Variants in RIT2 observed in about 807,000 individuals in gnomAD.
The protein encoded by RIT2 is Ras like without CAAX 2.
A neutral mutation model predicts 23.7 loss-of-function variants in RIT2; 24 were observed. The ratio of observed to expected loss-of-function variants is 1.01; its 90% CI spans 0.73 to 1.43. The LOEUF is 1.43. Ranked by LOEUF, RIT2 falls within the 40% of genes most tolerant of loss-of-function variation. The probability of loss-of-function intolerance (pLI) is 0.00; values close to 1 mark genes in which losing one functional copy is unlikely to be tolerated. For missense variants in RIT2, 236 were observed against 266.9 expected (o/e 0.88, Z 0.81); for synonymous variants, 107 against 91.1 (o/e 1.17, Z -0.99).
intron 4 of RIT2, among the ~76,000 whole-genome samples, chr18:42,800,515 A>AGTG (rs778123657): frequency 2.4e-5 from 1 of 41,320 alleles, no homozygotes; most frequent in East Asian, 7.5e-4. Flanking sequence ...AAGCAGTTAC[A>AGTG]TTCTTTTTTT....
intron 3 of RIT2, among the ~76,000 whole-genome samples, chr18:42,967,455 C>T (rs186373183): frequency 1.6e-3 from 250 of 151,718 alleles, no homozygotes; most frequent in African/African-American, 5.4e-3. Flanking sequence ...CTGAAAGCTC[C>T]GCCTCCCGGG....
At chr18:43,023,469 T>C (rs62092665) in intron 2 of RIT2, among the ~76,000 whole-genome samples, 13,081 of 152,124 alleles carry the variant, frequency 0.086, 674 homozygotes, top group East Asian at 0.17. Flanking sequence ...GATTAATTCC[T>C]GCTAAGGATA....
intron 1 of RIT2, among the ~76,000 whole-genome samples, chr18:43,072,468 G>C (rs1912921875): frequency 6.6e-6 from 1 of 152,166 alleles, no homozygotes; most frequent in Non-Finnish European, 1.5e-5. Flanking sequence ...ATTGCAAAAA[G>C]AAAACAGGAC....
At chr18:42,856,733 G>A (rs972148638) in intron 4 of RIT2, among the ~76,000 whole-genome samples, 1 of 151,768 alleles carries the variant, frequency 6.6e-6, no homozygotes, top group Non-Finnish European at 1.5e-5. Flanking sequence ...CTAAAAGAGT[G>A]GTTCTCAAAT....
At chr18:42,987,216 T>C (rs1333144987) in intron 2 of RIT2, among the ~76,000 whole-genome samples, 4 of 152,198 alleles carry the variant, frequency 2.6e-5, no homozygotes, top group Non-Finnish European at 5.9e-5. Flanking sequence ...CATGGTCTCA[T>C]GGCAAGTGGG....
At chr18:43,075,354 T>G (rs745631570) in intron 1 of RIT2, among the ~76,000 whole-genome samples, 1 of 152,170 alleles carries the variant, frequency 6.6e-6, no homozygotes, top group Non-Finnish European at 1.5e-5. Flanking sequence ...TAAAGTGGCA[T>G]GAACAGAGGT....
intron 4 of RIT2, among the ~76,000 whole-genome samples, chr18:42,856,819 C>A (rs1305606511): frequency 7.2e-6 from 1 of 138,018 alleles, no homozygotes; most frequent in Non-Finnish European, 1.5e-5. Context: ...TTTCTTTTCT[C>A]TCTCTCTCTT....
At chr18:43,085,366 A>C (rs1913258821) in intron 1 of RIT2, among the ~76,000 whole-genome samples, 1 of 152,080 alleles carries the variant, frequency 6.6e-6, no homozygotes, top group African/African-American at 2.4e-5. Flanking sequence ...TGTGAAAAAA[A>C]TCTATTTTTT....
chr18:42,895,460 T>G (rs1442390398), intron 4 of RIT2, among the ~76,000 whole-genome samples: 1 of 152,184 alleles, frequency 6.6e-6, no homozygotes, highest in African/African-American at 2.4e-5. Flanking sequence ...TTCAAATACA[T>G]ATTATTATTT....
chr18:43,110,301 TACTA>T (rs1391406463), intron 1 of RIT2, among the ~76,000 whole-genome samples: 1 of 151,978 alleles, frequency 6.6e-6, no homozygotes, highest in Non-Finnish European at 1.5e-5. Context: ...AATAAAAACC[TACTA>T]ACTTAGAATA....
At chr18:42,934,614 T>G (rs1909407491) in intron 3 of RIT2, among the ~76,000 whole-genome samples, 1 of 152,176 alleles carries the variant, frequency 6.6e-6, no homozygotes, top group South Asian at 2.1e-4. Context: ...TATGGATATA[T>G]GAATATCATG....
intron 4 of RIT2, among the ~76,000 whole-genome samples, chr18:42,854,364 T>G (rs529847359): frequency 2.6e-4 from 40 of 152,278 alleles, no homozygotes; most frequent in African/African-American, 9.6e-4. Flanking sequence ...GATAGTAAGC[T>G]TATAATAAGT....
At chr18:42,930,348 G>A (rs1909295675) in intron 3 of RIT2, among the ~76,000 whole-genome samples, 3 of 151,334 alleles carry the variant, frequency 2.0e-5, no homozygotes, top group Admixed American at 1.3e-4. Context: ...GAAAAGGGGG[G>A]AAATCCTTGA....
intron 3 of RIT2, among the ~76,000 whole-genome samples, chr18:42,947,893 T>C (rs1909763758): frequency 1.3e-5 from 2 of 152,144 alleles, no homozygotes; most frequent in Admixed American, 1.3e-4. Flanking sequence ...TAGGTGCTAT[T>C]ACTTTAAGAT....
intron 4 of RIT2, among the ~76,000 whole-genome samples, chr18:42,898,725 C>A (rs963819702): frequency 2.0e-5 from 3 of 152,070 alleles, no homozygotes; most frequent in Non-Finnish European, 4.4e-5. Context: ...TCATCACTTC[C>A]TTTTAGTTAT....
At chr18:42,920,579 T>A (rs1376147150) in intron 4 of RIT2, 3 of 646,932 alleles carry the variant, frequency 4.6e-6, no homozygotes, top group Admixed American at 5.5e-5. Context: ...AGGTGAATAA[T>A]GATAAACACA....
At chr18:42,978,331 T>C (rs912711932) in intron 2 of RIT2, among the ~76,000 whole-genome samples, 2 of 151,570 alleles carry the variant, frequency 1.3e-5, no homozygotes, top group African/African-American at 4.8e-5. Flanking sequence ...TTTTAAAAAG[T>C]GTCTATCAGA....
chr18:43,115,342 A>G (rs1914043031), intron 1 of RIT2, 75 bp downstream of exon 1: 1 of 1,563,806 alleles, frequency 6.4e-7, no homozygotes, highest in Admixed American at 1.9e-5. Context: ...CATCAGCAAT[A>G]TCATTTTTCT....
intron 2 of RIT2, among the ~76,000 whole-genome samples, chr18:42,980,390 C>A (rs988734985): frequency 6.6e-6 from 1 of 152,096 alleles, no homozygotes; most frequent in Non-Finnish European, 1.5e-5. Flanking sequence ...ATCTTTCCCC[C>A]AGAAATCAAC....
Sources: gnomAD v4.1 joint callset for allele counts (sites outside exome capture counted in the v4.1 genomes callset) on GRCh38, gnomAD v4.1.1 for gene constraint, MANE v1.5 for transcripts, NCBI Gene and HGNC (gene_info 2026-07-23, HGNC 2026-07-21) for gene names.